The following MRPS9 variants were observed in gnomAD, a reference collection of about 807,000 sequenced individuals.
MRPS9 encodes the protein mitochondrial ribosomal protein S9, also known as small ribosomal subunit protein uS9m.
MRPS9 carries 45 observed loss-of-function variants against 59.9 expected under a neutral mutation model. That is an observed-to-expected ratio of 0.75 (90% CI 0.59 to 0.96). The LOEUF (loss-of-function observed/expected upper bound fraction) is 0.96. Among genes scored for constraint, MRPS9 ranks in the 40% least tolerant of loss-of-function variants. The pLI, the probability that MRPS9 is intolerant of heterozygous loss-of-function variation, is 0.00. For synonymous variants in MRPS9, 171 were observed against 166.8 expected (o/e 1.03, Z -0.19); for missense variants, 473 against 481.1 (o/e 0.98, Z 0.16).
rs139442155 is a variant in MRPS9 at position 105,049,283 on chromosome 2, T to C, written c.248T>C (p.Ile83Thr). ...FIKKQIEEFN[I>T]GKRHLANMMG... Reference sequence around the variant, plus strand: ...AAAAAGCAGATTGAAGAGTTCAACATAGGAAAGAGACATTTAGCCAACATG... The same window carrying C: ...AAAAAGCAGATTGAAGAGTTCAACACAGGAAAGAGACATTTAGCCAACATG... Residue 83 changes from isoleucine (I) to threonine (T), a missense_variant, in exon 2 of 11, where the codon ATA becomes ACA. Physicochemically the swap from Ile to Thr is moderately conservative, Grantham distance 89. Coordinates refer to ENST00000258455, the MANE Select transcript of MRPS9 (RefSeq NM_182640.3). The C allele has an allele frequency of 8.7e-6, 14 of 1,613,110 alleles. No individual in the cohort carries two copies. The East Asian group carries it at 2.5e-4, about 28-fold the overall frequency.
intron 10 of MRPS9, chr2:105,099,129 C>T (rs1311280671): frequency 6.6e-6 from 1 of 152,158 alleles, no homozygotes; most frequent in Non-Finnish European, 1.5e-5. Flanking sequence ...ATTATTATGG[C>T]ATAAATTAAA....
Position 105,038,089 on chromosome 2 carries a change from T to C in MRPS9, c.-4T>C, listed in dbSNP as rs1406037443. 1 of 1,613,454 alleles carries C rather than the reference T, an allele frequency of 6.2e-7. No individual in the cohort carries two copies. On this transcript the variant is annotated 5_prime_UTR_variant, in exon 1 of 11. Coordinates refer to ENST00000258455, the MANE Select transcript of MRPS9 (RefSeq NM_182640.3). ...CCTCCGGTCCTGGAGCTCCCACAGC[T>C]AACATGGCGGCGCCCTGTGTGTCCT...
intron 9 of MRPS9, among the ~76,000 whole-genome samples, chr2:105,094,143 T>A (rs375036371): frequency 6.6e-6 from 1 of 152,326 alleles, no homozygotes; most frequent in East Asian, 1.9e-4. Flanking sequence ...TTTGGATTTT[T>A]TCCTATTCAG....
intron 4 of MRPS9, among the ~76,000 whole-genome samples, chr2:105,077,253 AAAAG>A (rs1292113197): frequency 6.6e-6 from 1 of 151,944 alleles, no homozygotes; most frequent in Non-Finnish European, 1.5e-5. Flanking sequence ...TCAAAAAAAA[AAAAG>A]AAGAAGAAAA....
chr2:105,077,554 A>C (rs753367074), intron 4 of MRPS9, among the ~76,000 whole-genome samples: 1 of 152,224 alleles, frequency 6.6e-6, no homozygotes, highest in Non-Finnish European at 1.5e-5. Flanking sequence ...CCACACAAAC[A>C]ACCCTATTTC....
chr2:105,051,621 T>C (rs1451635886), intron 2 of MRPS9, among the ~76,000 whole-genome samples: 1 of 152,202 alleles, frequency 6.6e-6, no homozygotes, highest in Non-Finnish European at 1.5e-5. Context: ...TCTAGATAGA[T>C]TTTGAGAGTA....
At chr2:105,084,247 A>AATATAGATATATATATAT (rs754016660) in intron 5 of MRPS9, among the ~76,000 whole-genome samples, 10 of 139,586 alleles carry the variant, frequency 7.2e-5, no homozygotes, top group African/African-American at 1.8e-4. Flanking sequence ...TATATACCAA[A>AATATAGATATATATATAT]ATATATATAT....
At chr2:105,081,326 G>C (rs1221934484) in intron 5 of MRPS9, among the ~76,000 whole-genome samples, 1 of 152,238 alleles carries the variant, frequency 6.6e-6, no homozygotes, top group Non-Finnish European at 1.5e-5. Flanking sequence ...ACACGGATGG[G>C]TTGCACGCAG....
At position 105,041,798 on chromosome 2, in the gene MRPS9, A is replaced by G. The variant is rs1012266126; in HGVS notation, c.135+3571A>G. ...AGCAACAGAAAAGCCCTTTGGTAGG[A>G]TAAACTGTTCCCTTTGAGATCTAAT... On this transcript the variant is annotated intron_variant, in intron 1 of 10. Transcript: ENST00000258455. 2.6e-5 allele frequency among the ~76,000 whole-genome samples: 4 copies of G among 152,162 alleles called. No individual in the cohort carries two copies. In the South Asian group the frequency reaches 8.3e-4, roughly 31 times the overall value.
At chr2:105,079,341 A>G (rs917302948) in intron 4 of MRPS9, among the ~76,000 whole-genome samples, 2 of 144,506 alleles carry the variant, frequency 1.4e-5, no homozygotes, top group African/African-American at 5.2e-5. Flanking sequence ...CAAAGGACAC[A>G]GAGTTAGCAT....
intron 1 of MRPS9, among the ~76,000 whole-genome samples, chr2:105,046,245 A>C (rs1679590737): frequency 6.7e-6 from 1 of 150,268 alleles, no homozygotes; most frequent in South Asian, 2.1e-4. Flanking sequence ...TGAGGTGTTC[A>C]GTCTGTTAAA....
intron 5 of MRPS9, among the ~76,000 whole-genome samples, chr2:105,081,092 G>C (rs1359624762): frequency 6.6e-6 from 1 of 152,164 alleles, no homozygotes; most frequent in South Asian, 2.1e-4. Flanking sequence ...GACCCCTGCT[G>C]TTCATTTAAA....
chr2:105,069,517 A>C (rs1169854397), intron 2 of MRPS9, among the ~76,000 whole-genome samples: 1 of 152,194 alleles, frequency 6.6e-6, no homozygotes, highest in East Asian at 1.9e-4. Context: ...CCAGCCTGTC[A>C]ATCTTTTTTA....
At chr2:105,054,601 A>C (rs1291737592) in intron 2 of MRPS9, among the ~76,000 whole-genome samples, 5 of 151,158 alleles carry the variant, frequency 3.3e-5, no homozygotes, top group Non-Finnish European at 7.4e-5. Flanking sequence ...ATCGCATTTT[A>C]TTAAATATAG....
At chr2:105,086,813 G>A (rs1313763829) in intron 5 of MRPS9, among the ~76,000 whole-genome samples, 1 of 151,782 alleles carries the variant, frequency 6.6e-6, no homozygotes, top group Admixed American at 6.6e-5. Context: ...GCACCCCAAT[G>A]GAGCCACAGT....
chr2:105,039,499 CTATT>C (rs1259695703), intron 1 of MRPS9, among the ~76,000 whole-genome samples: 1 of 152,096 alleles, frequency 6.6e-6, no homozygotes, highest in East Asian at 1.9e-4. Flanking sequence ...CTCCTGGTAT[CTATT>C]CTTCTATGTT....
At chr2:105,063,424 C>T (rs937078807) in intron 2 of MRPS9, among the ~76,000 whole-genome samples, 5 of 152,196 alleles carry the variant, frequency 3.3e-5, no homozygotes, top group Non-Finnish European at 7.3e-5. Flanking sequence ...TATCAAAACA[C>T]TCTAATCTAA....
intron 9 of MRPS9, 58 bp downstream of exon 9, chr2:105,093,696 T>C: frequency 1.3e-6 from 1 of 797,288 alleles, no homozygotes; most frequent in Non-Finnish European, 2.0e-6. Context: ...TAATACATCA[T>C]GATCATTTAA....
At chr2:105,054,159 AAAT>A (rs1156465417) in intron 2 of MRPS9, among the ~76,000 whole-genome samples, 1 of 152,226 alleles carries the variant, frequency 6.6e-6, no homozygotes, top group African/African-American at 2.4e-5. Flanking sequence ...CTTATCTCTA[AAAT>A]AATAATACCG....
Sources: gnomAD v4.1 joint callset for allele counts (sites outside exome capture counted in the v4.1 genomes callset) on GRCh38, gnomAD v4.1.1 for gene constraint, MANE v1.5 for transcripts, NCBI Gene and HGNC (gene_info 2026-07-23, HGNC 2026-07-21) for gene names.